NRXN3: variants seen among roughly 807,000 people sequenced by gnomAD.
NRXN3 encodes neurexin III.
A neutral mutation model predicts 137.6 loss-of-function variants in NRXN3; 32 were observed. The observed-to-expected ratio is 0.23, with a 90% confidence interval of 0.18 to 0.31. The LOEUF (loss-of-function observed/expected upper bound fraction) is 0.31, where lower values mean the gene tolerates loss of function less well. Ranked by LOEUF, NRXN3 falls within the 10% of genes least tolerant of loss-of-function variation. The probability of loss-of-function intolerance (pLI) is 1.00; values close to 1 mark genes in which losing one functional copy is unlikely to be tolerated. For missense variants in NRXN3, 1,574 were observed against 2,062.5 expected (o/e 0.76, Z 4.59); for synonymous variants, 798 against 784.5 (o/e 1.02, Z -0.29).
rs117198436 is a variant in NRXN3 at position 78,577,260 on chromosome 14, G to A, written c.758-67860G>A. Among the ~76,000 whole-genome samples, 942 of 152,180 alleles carry A rather than the reference G, an allele frequency of 6.2e-3. 6 individuals carry two copies. Among genetic ancestry groups the A allele is most frequent in the South Asian group, 9.8e-3 (47 of 4,820 alleles). On this transcript the variant is annotated intron_variant, in intron 4 of 20. Coordinates refer to ENST00000335750, the MANE Select transcript of NRXN3 (RefSeq NM_001330195.2). ...CTACACCAGCAGTAATGTAATTGTT[G>A]GTCCTCATTATTCCCAGAATATTGG...
intron 15 of NRXN3, among the ~76,000 whole-genome samples, chr14:79,450,328 C>T (rs989177614): frequency 1.3e-5 from 2 of 152,090 alleles, no homozygotes; most frequent in African/African-American, 4.8e-5. Context: ...TACAAAATTT[C>T]AGTTAGGAGA....
chr14:78,319,375 G>A (rs1479699813), intron 4 of NRXN3, among the ~76,000 whole-genome samples: 2 of 152,128 alleles, frequency 1.3e-5, no homozygotes, highest in African/African-American at 4.8e-5. Flanking sequence ...TTCCCACAAG[G>A]AGAGAAACAT....
intron 15 of NRXN3, among the ~76,000 whole-genome samples, chr14:79,253,699 C>T (rs547215593): frequency 1.1e-4 from 16 of 152,290 alleles, no homozygotes; most frequent in South Asian, 4.1e-4. Context: ...AAAGAAAGAG[C>T]GAGGCAGGAG....
At chr14:78,458,128 C>T (rs2094804767) in intron 4 of NRXN3, among the ~76,000 whole-genome samples, 1 of 152,198 alleles carries the variant, frequency 6.6e-6, no homozygotes, top group African/African-American at 2.4e-5. Flanking sequence ...GGGAAGGAGA[C>T]AGTCTCTATC....
chr14:78,241,738 C>G (rs1404277551), intron 1 of NRXN3, among the ~76,000 whole-genome samples: 1 of 151,592 alleles, frequency 6.6e-6, no homozygotes, highest in East Asian at 1.9e-4. Context: ...AATAGAAGCT[C>G]AAATAGGTTA....
chr14:79,256,859 GTGTGTGTGTA>G (rs1268125249), intron 15 of NRXN3, among the ~76,000 whole-genome samples: 1 of 152,196 alleles, frequency 6.6e-6, no homozygotes, highest in Admixed American at 6.5e-5. Flanking sequence ...TTTAAAGTGT[GTGTGTGTGTA>G]TGTGTGTCTG....
intron 8 of NRXN3, among the ~76,000 whole-genome samples, chr14:78,780,609 G>A (rs928396537): frequency 6.6e-6 from 1 of 151,920 alleles, no homozygotes; most frequent in Non-Finnish European, 1.5e-5. Context: ...TCAAGAGAAA[G>A]AAAAATAACC....
intron 19 of NRXN3, among the ~76,000 whole-genome samples, chr14:79,796,888 C>T (rs941282163): frequency 2.6e-5 from 4 of 152,030 alleles, no homozygotes; most frequent in East Asian, 1.9e-4. Context: ...TGTTGGGTGA[C>T]GCTTATGAGC....
rs76751893 is a variant in NRXN3, at chr14:78,811,573, T to A, written c.2275+1229T>A. 1.1e-4 allele frequency among the ~76,000 whole-genome samples: 17 copies of A among 152,370 alleles called. No homozygotes were observed. In the East Asian group the frequency reaches 3.1e-3, roughly 28 times the overall value. ...GATATCTAGCACATGTAATTCTCCA[T>A]AGTATCTCATCATCTTTAAAATTCT... is the stretch of plus-strand genomic sequence containing the variant. On this transcript the variant is annotated intron_variant, in intron 10 of 20. Coordinates refer to ENST00000335750, the MANE Select transcript of NRXN3 (RefSeq NM_001330195.2).
At chr14:79,239,090 A>G (rs1346366877) in intron 15 of NRXN3, among the ~76,000 whole-genome samples, 1 of 152,136 alleles carries the variant, frequency 6.6e-6, no homozygotes, top group Non-Finnish European at 1.5e-5. Flanking sequence ...CCATACATAC[A>G]TGCGTATATA....
intron 16 of NRXN3, among the ~76,000 whole-genome samples, chr14:79,612,466 C>A (rs1170071938): frequency 1.3e-5 from 2 of 152,170 alleles, no homozygotes; most frequent in South Asian, 2.1e-4. Context: ...CAAAGGGTGG[C>A]AAACTGATGG....
chr14:78,986,025 C>T (rs1438370820), intron 14 of NRXN3, among the ~76,000 whole-genome samples: 2 of 152,146 alleles, frequency 1.3e-5, no homozygotes, highest in African/African-American at 4.8e-5. Flanking sequence ...TGAGTGATGG[C>T]CTGTCCTGCT....
At chr14:79,068,060 C>G (rs887026839) in intron 15 of NRXN3, among the ~76,000 whole-genome samples, 1 of 151,868 alleles carries the variant, frequency 6.6e-6, no homozygotes, top group Non-Finnish European at 1.5e-5. Context: ...ATTTTTTCCC[C>G]TTAAAGAACT....
intron 4 of NRXN3, among the ~76,000 whole-genome samples, chr14:78,412,169 G>A (rs763323486): frequency 1.2e-4 from 19 of 152,182 alleles, no homozygotes; most frequent in Non-Finnish European, 2.2e-4. Flanking sequence ...GACATTTCCT[G>A]ACTCACTTGC....
At chr14:78,354,580 T>C (rs1406746356) in intron 4 of NRXN3, among the ~76,000 whole-genome samples, 1 of 152,202 alleles carries the variant, frequency 6.6e-6, no homozygotes, top group Admixed American at 6.5e-5. Flanking sequence ...TGGGACAATT[T>C]TCTAAAGAAT....
At chr14:79,022,096 T>C (rs1395388025) in intron 15 of NRXN3, among the ~76,000 whole-genome samples, 1 of 152,200 alleles carries the variant, frequency 6.6e-6, no homozygotes, top group African/African-American at 2.4e-5. Flanking sequence ...TTTATTACTA[T>C]AGGGTGCTTT....
intron 15 of NRXN3, among the ~76,000 whole-genome samples, chr14:79,300,367 A>T (rs903325836): frequency 2.0e-5 from 3 of 152,062 alleles, no homozygotes; most frequent in African/African-American, 7.2e-5. Context: ...TGGGCATGTT[A>T]TTTGCTTGTG....
In NRXN3 at chr14:79,131,431, C is replaced by G. The variant is rs1333015629; in HGVS notation, c.3262+143290C>G. On this transcript the variant is annotated intron_variant, in intron 15 of 20. Coordinates refer to ENST00000335750, the MANE Select transcript of NRXN3 (RefSeq NM_001330195.2). ...CTCAGCTGCAGGTCTGTTGGAGTAC[C>G]CAGCCGTGTGAGGTGTCAGTCTGCC... Among the ~76,000 whole-genome samples the G allele has an allele frequency of 4.6e-5, 7 of 152,160 alleles. 1 individual carries two copies. Among genetic ancestry groups the G allele is most frequent in the African/African-American group, 1.7e-4 (7 of 41,510 alleles).
chr14:79,729,296 A>G (rs966555437), intron 19 of NRXN3, among the ~76,000 whole-genome samples: 2 of 152,198 alleles, frequency 1.3e-5, no homozygotes, highest in Non-Finnish European at 2.9e-5. Flanking sequence ...TACTCCCAAT[A>G]TGTGGTTCCC....
Sources: gnomAD v4.1 joint callset for allele counts (sites outside exome capture counted in the v4.1 genomes callset) on GRCh38, gnomAD v4.1.1 for gene constraint, MANE v1.5 for transcripts, NCBI Gene and HGNC (gene_info 2026-07-23, HGNC 2026-07-21) for gene names.